The following NEGR1 variants were observed in gnomAD, a reference collection of about 807,000 sequenced individuals.
NEGR1 encodes the protein neuronal growth regulator 1.
Under a neutral mutation model 40.9 loss-of-function variants are expected in NEGR1, and 10 were observed. The observed-to-expected ratio is 0.24, with a 90% confidence interval of 0.15 to 0.42. The LOEUF (loss-of-function observed/expected upper bound fraction) is 0.42, where lower values mean the gene tolerates loss of function less well. NEGR1 is among the 10% of genes least tolerant of loss of function. The probability of loss-of-function intolerance (pLI) is 1.00; values close to 1 mark genes in which losing one functional copy is unlikely to be tolerated. For missense variants in NEGR1, 352 were observed against 438.9 expected, an observed-to-expected ratio of 0.80 and a Z score of 1.77; for synonymous variants, 185 against 166.8, an observed-to-expected ratio of 1.11 and a Z score of -0.84.
chr1:72,141,903 G>A (rs1650692350), intron 1 of NEGR1, among the ~76,000 whole-genome samples: 1 of 151,866 alleles, frequency 6.6e-6, no homozygotes, highest in Non-Finnish European at 1.5e-5. Context: ...GTTAATAGAA[G>A]TTTTACCCAG....
At chr1:72,011,899 G>A (rs570956032) in intron 1 of NEGR1, among the ~76,000 whole-genome samples, 106 of 152,228 alleles carry the variant, frequency 7.0e-4, no homozygotes, top group Non-Finnish European at 1.3e-3. Flanking sequence ...AGAGCATTAA[G>A]TGATGAAGTA....
chr1:72,203,496 A>C (rs988675847), intron 1 of NEGR1, among the ~76,000 whole-genome samples: 5 of 152,160 alleles, frequency 3.3e-5, no homozygotes, highest in African/African-American at 1.2e-4. Context: ...ATAGATGAGC[A>C]AAGATAGTGG....
At chr1:71,560,429 T>TTTTATATATATGTATATATATATA (rs1553150203) in intron 6 of NEGR1, among the ~76,000 whole-genome samples, 1 of 114,266 alleles carries the variant, frequency 8.8e-6, no homozygotes, top group Admixed American at 1.0e-4. Flanking sequence ...TAATTCTCCA[T>TTTTATATATATGTATATATATATA]TATATATATA....
chr1:72,189,437 G>A (rs188112741), intron 1 of NEGR1, among the ~76,000 whole-genome samples: 1 of 151,646 alleles, frequency 6.6e-6, no homozygotes, highest in Admixed American at 6.6e-5. Flanking sequence ...GATGTCAAAT[G>A]TTTGAAAACA....
At chr1:72,279,438 T>C (rs189913302) in intron 1 of NEGR1, among the ~76,000 whole-genome samples, 4 of 152,080 alleles carry the variant, frequency 2.6e-5, no homozygotes, top group Non-Finnish European at 5.9e-5. Flanking sequence ...CCACTATTTG[T>C]TTTTTATTAA....
intron 1 of NEGR1, among the ~76,000 whole-genome samples, chr1:71,940,073 G>T (rs1574837): frequency 6.6e-6 from 1 of 152,184 alleles, no homozygotes; most frequent in East Asian, 1.9e-4. Flanking sequence ...GTGTAAGGGG[G>T]AGTTCAGTGA....
chr1:71,701,502 G>C (rs2101632302), intron 3 of NEGR1, among the ~76,000 whole-genome samples: 1 of 151,992 alleles, frequency 6.6e-6, no homozygotes, highest in Non-Finnish European at 1.5e-5. Flanking sequence ...CCACTCTACT[G>C]TTTTCTTCTT....
intron 1 of NEGR1, among the ~76,000 whole-genome samples, chr1:72,131,887 A>T (rs1271097438): frequency 6.6e-6 from 1 of 152,182 alleles, no homozygotes; most frequent in Non-Finnish European, 1.5e-5. Context: ...ACCTGAGGCC[A>T]TGAGTTTGAG....
intron 6 of NEGR1, among the ~76,000 whole-genome samples, chr1:71,528,856 T>G (rs950057526): frequency 6.6e-6 from 1 of 151,216 alleles, no homozygotes; most frequent in South Asian, 2.1e-4. Context: ...TTCATAGACT[T>G]AAAAATGATC....
chr1:71,589,409 G>A (rs1338574607), intron 6 of NEGR1, among the ~76,000 whole-genome samples: 2 of 152,040 alleles, frequency 1.3e-5, no homozygotes, highest in Non-Finnish European at 2.9e-5. Flanking sequence ...TTACTCTCAT[G>A]GCTGAAACTA....
intron 6 of NEGR1, among the ~76,000 whole-genome samples, chr1:71,427,036 G>C (rs1356801649): frequency 6.6e-6 from 1 of 151,988 alleles, no homozygotes; most frequent in Non-Finnish European, 1.5e-5. Context: ...TGTACTTTAG[G>C]TCTCTTTAGG....
chr1:71,468,619 T>G (rs1646762463), intron 6 of NEGR1: 1 of 152,050 alleles, frequency 6.6e-6, no homozygotes, highest in African/African-American at 2.4e-5. Flanking sequence ...TGCTGGCATG[T>G]GAAATTTCTC....
At chr1:71,663,338 T>A (rs1279356464) in intron 4 of NEGR1, among the ~76,000 whole-genome samples, 1 of 152,142 alleles carries the variant, frequency 6.6e-6, no homozygotes, top group Non-Finnish European at 1.5e-5. Flanking sequence ...ATTCTTATCA[T>A]GTTATTATTT....
intron 6 of NEGR1, among the ~76,000 whole-genome samples, chr1:71,494,986 T>C (rs1646952527): frequency 6.6e-6 from 1 of 152,184 alleles, no homozygotes; most frequent in South Asian, 2.1e-4. Flanking sequence ...ATGGTTCACT[T>C]CCACTTAATA....
intron 4 of NEGR1, among the ~76,000 whole-genome samples, chr1:71,691,221 T>G (rs1256136287): frequency 2.0e-5 from 3 of 151,954 alleles, no homozygotes; most frequent in Non-Finnish European, 4.4e-5. Flanking sequence ...ATTCATGTAT[T>G]CTTTAACTGC....
At chr1:71,601,689 A>G (rs189298926) in intron 5 of NEGR1, among the ~76,000 whole-genome samples, 18 of 152,290 alleles carry the variant, frequency 1.2e-4, no homozygotes, top group South Asian at 4.1e-4. Context: ...CCATTATCCT[A>G]AGTGAAATAA....
chr1:71,556,762 C>G (rs6680901), intron 6 of NEGR1, among the ~76,000 whole-genome samples: 43,878 of 151,090 alleles, frequency 0.29, 7,284 homozygotes, highest in East Asian at 0.69. Context: ...CAAAATAAAC[C>G]GTGGCTGGGA....
rs140738553 is a variant in NEGR1, at chr1:71,844,650, G to C, written c.410-68353C>G. Among the ~76,000 whole-genome samples the C allele has an allele frequency of 4.0e-3, 608 of 152,292 alleles. 3 individuals are homozygous for C. Among genetic ancestry groups the C allele is most frequent in the African/African-American group, 0.014 (598 of 41,568 alleles). On this transcript the variant is annotated intron_variant, in intron 2 of 6. Coordinates refer to ENST00000357731, the MANE Select transcript of NEGR1 (RefSeq NM_173808.3). ...TTCTCCTGCTTTATTGTTCAATCTA[G>C]ACTAGCAGGAATGGCATAAAATCAG...
chr1:71,955,909 G>T (rs1251833929), intron 1 of NEGR1, among the ~76,000 whole-genome samples: 1 of 152,136 alleles, frequency 6.6e-6, no homozygotes, highest in Non-Finnish European at 1.5e-5. Flanking sequence ...GTAGTTCTTT[G>T]TGGAGGCTTA....
Sources: gnomAD v4.1 joint callset for allele counts (sites outside exome capture counted in the v4.1 genomes callset) on GRCh38, gnomAD v4.1.1 for gene constraint, MANE v1.5 for transcripts, NCBI Gene and HGNC (gene_info 2026-07-23, HGNC 2026-07-21) for gene names.